ZC3H12C: variants seen among roughly 807,000 people sequenced by gnomAD.
ZC3H12C encodes probable ribonuclease ZC3H12C.
In ZC3H12C, 20 loss-of-function variants were observed where a neutral mutation model predicts 76.3. The ratio of observed to expected loss-of-function variants is 0.26; its 90% CI spans 0.18 to 0.38. ZC3H12C has a LOEUF of 0.38. Ranked by LOEUF, ZC3H12C falls within the 10% of genes least tolerant of loss-of-function variation. The pLI is 1.00. For missense variants in ZC3H12C, 874 were observed against 1,086.5 expected (o/e 0.80, Z 2.75); for synonymous variants, 352 against 399.6 (o/e 0.88, Z 1.42).
At chr11:110,147,080 G>A (rs934361671) in intron 2 of ZC3H12C, among the ~76,000 whole-genome samples, 2 of 152,130 alleles carry the variant, frequency 1.3e-5, no homozygotes, top group African/African-American at 4.8e-5. Context: ...CTGAGGCCAG[G>A]GCACTCCCTT....
At chr11:110,123,285 CGTGA>C (rs1402316938) in intron 1 of ZC3H12C, among the ~76,000 whole-genome samples, 3 of 152,086 alleles carry the variant, frequency 2.0e-5, no homozygotes, top group African/African-American at 4.8e-5. Flanking sequence ...TTCCTCATTC[CGTGA>C]GTATTTACAG....
intron 1 of ZC3H12C, among the ~76,000 whole-genome samples, chr11:110,119,663 G>C (rs1275924413): frequency 6.6e-6 from 1 of 152,122 alleles, no homozygotes; most frequent in African/African-American, 2.4e-5. Context: ...ATAAATAATA[G>C]AAATGTATTG....
intron 1 of ZC3H12C, among the ~76,000 whole-genome samples, chr11:110,112,657 C>T (rs1029482444): frequency 5.3e-5 from 8 of 152,190 alleles, no homozygotes; most frequent in African/African-American, 1.9e-4. Context: ...CTTCTGATAA[C>T]TGTCAGTTGC....
Position 110,164,411 on chromosome 11 carries a change from A to G in ZC3H12C, c.1326A>G (p.Ser442=). Residue 442 remains serine, a synonymous_variant, in exon 6 of 6, where the codon TCA becomes TCG. Transcript: ENST00000278590. This position sits in a 1 kb window ranked among gnomAD's most constrained non-coding sequence, Gnocchi z 5.7. ...AAAGGGGCAGTCAGCCACAGCGGTC[A>G]GTGGCTGATGAACTCCGTGCCATGT... ...HPERGSQPQR[S]VADELRAMSR... is the part of the protein sequence containing the mutation. 6.2e-7 allele frequency: 1 copy of G among 1,614,010 alleles called. No homozygotes were observed. The highest frequency in any genetic ancestry group is 8.5e-7 in the Non-Finnish European group (1 of 1,179,878).
In ZC3H12C at chr11:110,135,471, C is replaced by CTG. The variant is rs1591474699; in HGVS notation, c.22-1192_22-1191insTG. Reference sequence around the variant, plus strand: ...CACCGCTGCACTCCAGCCTGGGCAACAGAGTGAGACTCCCGTCTCAAAAAA... The same window carrying CTG: ...CACCGCTGCACTCCAGCCTGGGCAACTGAGAGTGAGACTCCCGTCTCAAAAAA... On this transcript the variant is annotated intron_variant, in intron 1 of 5. Coordinates refer to ENST00000278590, the MANE Select transcript of ZC3H12C (RefSeq NM_033390.2). Among the ~76,000 whole-genome samples the CTG allele has an allele frequency of 2.7e-5, 3 of 109,096 alleles. No individual in the cohort carries two copies. In the East Asian group the frequency reaches 7.9e-4, roughly 29 times the overall value. 71.6% of individuals were successfully genotyped at this position (109,096 alleles called of 152,430 possible). A position where few individuals can be genotyped will look rare whatever the true frequency, so the allele number is the denominator to read the frequency against.
At chr11:110,105,540 A>T (rs1171735384) in intron 1 of ZC3H12C, among the ~76,000 whole-genome samples, 1 of 152,108 alleles carries the variant, frequency 6.6e-6, no homozygotes, top group African/African-American at 2.4e-5. Flanking sequence ...TTAAATTTTG[A>T]GTTGTTTTAG....
chr11:110,098,360 CAGTCCAAAAGTTAAAA>C (rs1861151765), intron 1 of ZC3H12C, among the ~76,000 whole-genome samples: 1 of 152,084 alleles, frequency 6.6e-6, no homozygotes, highest in Non-Finnish European at 1.5e-5. Flanking sequence ...TATTATAAAA[CAGTCCAAAAGTTAAAA>C]AATGAAAAAG....
chr11:110,123,905 G>A (rs1861693091), intron 1 of ZC3H12C, among the ~76,000 whole-genome samples: 1 of 152,200 alleles, frequency 6.6e-6, no homozygotes, highest in Admixed American at 6.5e-5. Flanking sequence ...TAAGAGAACA[G>A]CATAAAGAGC....
At chr11:110,161,049 G>C (rs1292578228) in intron 4 of ZC3H12C, among the ~76,000 whole-genome samples, 1 of 151,300 alleles carries the variant, frequency 6.6e-6, no homozygotes, top group East Asian at 1.9e-4. Context: ...TCACCATGTT[G>C]GCCAGGCTGG....
chr11:110,143,124 A>G (rs1862096058), intron 2 of ZC3H12C, among the ~76,000 whole-genome samples: 1 of 152,206 alleles, frequency 6.6e-6, no homozygotes, highest in Non-Finnish European at 1.5e-5. Flanking sequence ...CTTCAATACA[A>G]AAGAAAAAAC....
intron 1 of ZC3H12C, among the ~76,000 whole-genome samples, chr11:110,113,615 A>G (rs1193179437): frequency 6.6e-6 from 1 of 152,218 alleles, no homozygotes; most frequent in African/African-American, 2.4e-5. Context: ...GGTCTATGTT[A>G]CAAAAATATG....
At chr11:110,099,682 T>A (rs1042584702) in intron 1 of ZC3H12C, among the ~76,000 whole-genome samples, 9 of 152,142 alleles carry the variant, frequency 5.9e-5, no homozygotes, top group African/African-American at 2.2e-4. Context: ...TGTGGTGGCA[T>A]GTGCCTGTAA....
At position 110,164,678 on chromosome 11, in the gene ZC3H12C, A is replaced by G; in HGVS notation, c.1593A>G (p.Lys531=). 1.2e-6 allele frequency: 2 copies of G among 1,613,896 alleles called. No homozygotes were observed. Among genetic ancestry groups the G allele is most frequent in the South Asian group, 2.2e-5 (2 of 91,072 alleles). ...LVSIPATSTA[K]PQSTTSLSNG... ...GCATCCCAGCTACTTCTACTGCAAA[A>G]CCCCAAAGCACTACATCTTTAAGCA... The change falls in exon 6 of 6, where the codon AAA becomes AAG. Residue 531 remains lysine (K), a synonymous_variant. Transcript: ENST00000278590. This position sits in a 1 kb window ranked among gnomAD's most constrained non-coding sequence, Gnocchi z 5.7.
intron 2 of ZC3H12C, among the ~76,000 whole-genome samples, chr11:110,138,999 C>G (rs1298016790): frequency 6.6e-6 from 1 of 152,124 alleles, no homozygotes; most frequent in African/African-American, 2.4e-5. Context: ...CTTCTAGAGC[C>G]CCATGCAGAC....
Position 110,152,935 on chromosome 11 carries a change from G to C in ZC3H12C, c.790G>C (p.Val264Leu), listed in dbSNP as rs1157965904. The change falls in exon 3 of 6, where the codon GTA (valine) becomes CTA (leucine). Residue 264 changes from valine (V) to leucine (L), a missense_variant. This residue lies in a region of ZC3H12C where 269 missense variants were observed against 424.9 expected (regional missense o/e 0.63). Transcript: ENST00000278590. ...NVAMSHGNKE[V>L]FSCRGIKLAV... ...ATCTTTCAGCCATGGAAACAAAGAA[G>C]TATTTTCCTGCAGAGGAATAAAATT... is the stretch of plus-strand genomic sequence containing the variant. 2 of 1,612,324 alleles carry C rather than the reference G, an allele frequency of 1.2e-6. No homozygotes were observed. Among genetic ancestry groups the C allele is most frequent in the African/African-American group, 2.7e-5 (2 of 74,912 alleles).
intron 2 of ZC3H12C, among the ~76,000 whole-genome samples, chr11:110,148,279 C>T (rs189792111): frequency 6.6e-6 from 1 of 152,134 alleles, no homozygotes; most frequent in African/African-American, 2.4e-5. Context: ...TTCTTTTGAC[C>T]GTTGCAAAGC....
At chr11:110,154,852 A>AAAAAAT (rs1565266548) in intron 3 of ZC3H12C, among the ~76,000 whole-genome samples, 1 of 150,818 alleles carries the variant, frequency 6.6e-6, no homozygotes, top group South Asian at 2.1e-4. Context: ...AAAAAAAAAA[A>AAAAAAT]CTTCTTTCCA....
At chr11:110,102,219 C>T (rs562488394) in intron 1 of ZC3H12C, among the ~76,000 whole-genome samples, 1 of 149,074 alleles carries the variant, frequency 6.7e-6, no homozygotes, top group East Asian at 2.0e-4. Context: ...TGGATCTGGG[C>T]AAAATACACT....
chr11:110,124,974 A>C (rs1234900432), intron 1 of ZC3H12C, among the ~76,000 whole-genome samples: 1 of 152,144 alleles, frequency 6.6e-6, no homozygotes, highest in Non-Finnish European at 1.5e-5. Flanking sequence ...GGAATGAGAA[A>C]ATTGGGAAGA....
Sources: gnomAD v4.1 joint callset for allele counts (sites outside exome capture counted in the v4.1 genomes callset) on GRCh38, gnomAD v4.1.1 for gene constraint, gnomAD v4.1.1 regional missense constraint, Gnocchi (gnomAD v3.1) non-coding constraint, MANE v1.5 for transcripts, NCBI Gene and HGNC (gene_info 2026-07-23, HGNC 2026-07-21) for gene names.